The following KCNIP4 variants were observed in gnomAD, a reference collection of about 807,000 sequenced individuals.
KCNIP4 encodes the protein potassium voltage-gated channel interacting protein 4.
A neutral mutation model predicts 34.0 loss-of-function variants in KCNIP4; 12 were observed. The observed-to-expected ratio is 0.35, with a 90% CI of 0.23 to 0.57. The LOEUF (loss-of-function observed/expected upper bound fraction) is 0.57, where lower values mean the gene tolerates loss of function less well. KCNIP4 is among the 20% of genes least tolerant of loss of function. KCNIP4 has a pLI of 0.83. For synonymous variants in KCNIP4, 124 were observed against 102.2 expected (o/e 1.21, Z -1.29); for missense variants, 238 against 311.7 (o/e 0.76, Z 1.78).
chr4:21,205,785 C>A (rs190979725), intron 1 of KCNIP4, among the ~76,000 whole-genome samples: 3 of 152,164 alleles, frequency 2.0e-5, no homozygotes, highest in Admixed American at 6.5e-5. Context: ...TGAAGCCAGG[C>A]GGTCTGTCTC....
At chr4:21,643,870 T>TGATGATA (rs1553915311) in intron 1 of KCNIP4, among the ~76,000 whole-genome samples, 4 of 107,710 alleles carry the variant, frequency 3.7e-5, no homozygotes, top group East Asian at 2.1e-4. Flanking sequence ...ATGATGATGA[T>TGATGATA]GATAGATAGA....
intron 1 of KCNIP4, among the ~76,000 whole-genome samples, chr4:21,939,777 T>C (rs1285832901): frequency 6.6e-6 from 1 of 152,150 alleles, no homozygotes; most frequent in Non-Finnish European, 1.5e-5. Context: ...GTAGATGATA[T>C]GGAAAAAGTG....
chr4:20,883,295 T>A (rs1724920125), intron 1 of KCNIP4, among the ~76,000 whole-genome samples: 1 of 152,166 alleles, frequency 6.6e-6, no homozygotes, highest in African/African-American at 2.4e-5. Flanking sequence ...TGACAATCTT[T>A]CCCATTTTTT....
At position 20,748,048 on chromosome 4, in the gene KCNIP4, C is replaced by T. The variant is rs1752739272; in HGVS notation, c.429+1614G>A. ...TCAGGCTTTTATCAGACCCTGTCTG[C>T]ACTCTTGCAATACTTAGCTGCTAAT... On this transcript the variant is annotated intron_variant, in intron 5 of 8. Transcript: ENST00000382152. Among the ~76,000 whole-genome samples, 3 of 152,232 alleles carry T rather than the reference C, an allele frequency of 2.0e-5. No individual in the cohort carries two copies. The South Asian group carries it at 6.2e-4, about 32-fold the overall frequency.
chr4:21,287,227 C>T (rs73249540), intron 1 of KCNIP4, among the ~76,000 whole-genome samples: 13,431 of 152,130 alleles, frequency 0.088, 800 homozygotes, highest in Admixed American at 0.2. Flanking sequence ...TTCTGCATCG[C>T]CTGAAATGTT....
intron 1 of KCNIP4, among the ~76,000 whole-genome samples, chr4:21,714,792 T>A (rs1026906682): frequency 8.6e-3 from 3 of 348 alleles, no homozygotes; most frequent in Non-Finnish European, 0.017. Context: ...TTTGATTATT[T>A]TATTTTATTT....
Position 20,919,340 on chromosome 4 carries a change from G to A in KCNIP4, c.62-36631C>T, listed in dbSNP as rs145426697. 1.7e-3 allele frequency among the ~76,000 whole-genome samples: 263 copies of A among 152,030 alleles called. 1 individual carries two copies. Among genetic ancestry groups the A allele is most frequent in the African/African-American group, 6.1e-3 (251 of 41,472 alleles). ...GTGGATGATGGATGAGTCCTTGCTC[G>A]GCTGCCTTTGGGCAGTTTGTTAGTA... On this transcript the variant is annotated intron_variant, in intron 1 of 8. Coordinates refer to ENST00000382152, the MANE Select transcript of KCNIP4 (RefSeq NM_025221.6).
intron 1 of KCNIP4, among the ~76,000 whole-genome samples, chr4:21,180,140 T>C (rs960030555): frequency 6.6e-6 from 1 of 152,224 alleles, no homozygotes; most frequent in African/African-American, 2.4e-5. Context: ...ACAATGTTTA[T>C]GATAACACCA....
intron 1 of KCNIP4, among the ~76,000 whole-genome samples, chr4:21,862,262 A>C (rs1369704322): frequency 2.0e-5 from 3 of 152,174 alleles, no homozygotes. Flanking sequence ...GTGTCCATCC[A>C]TAGGCAACAG....
intron 1 of KCNIP4, among the ~76,000 whole-genome samples, chr4:21,012,196 T>G (rs1023396833): frequency 7.2e-5 from 11 of 152,200 alleles, no homozygotes; most frequent in African/African-American, 2.7e-4. Flanking sequence ...AGCATTGTGC[T>G]TGGTATATAG....
chr4:21,471,435 G>A (rs911666246), intron 1 of KCNIP4, among the ~76,000 whole-genome samples: 9 of 152,094 alleles, frequency 5.9e-5, no homozygotes, highest in African/African-American at 1.9e-4. Flanking sequence ...GGAATTAAGA[G>A]AATAATAATT....
intron 1 of KCNIP4, among the ~76,000 whole-genome samples, chr4:21,690,892 CT>C (rs1442021476): frequency 6.6e-6 from 1 of 152,094 alleles, no homozygotes; most frequent in Admixed American, 6.5e-5. Context: ...TATAGGTTTA[CT>C]TTACTTCTGG....
At chr4:21,417,945 A>G (rs926431793) in intron 1 of KCNIP4, among the ~76,000 whole-genome samples, 3 of 152,166 alleles carry the variant, frequency 2.0e-5, no homozygotes, top group Non-Finnish European at 4.4e-5. Context: ...GTAAGTATTT[A>G]AAGGGAATGC....
chr4:21,205,262 G>T (rs539797214), intron 1 of KCNIP4, among the ~76,000 whole-genome samples: 1 of 152,126 alleles, frequency 6.6e-6, no homozygotes, highest in Admixed American at 6.5e-5. Context: ...CTGTGTTGAC[G>T]TGTATATATA....
At chr4:20,821,061 C>T (rs181697924) in intron 3 of KCNIP4, among the ~76,000 whole-genome samples, 1 of 152,262 alleles carries the variant, frequency 6.6e-6, no homozygotes, top group East Asian at 1.9e-4. Flanking sequence ...AGAGCCTCTA[C>T]TAGGGTAATG....
chr4:20,822,327 C>T (rs1717209120), intron 3 of KCNIP4, among the ~76,000 whole-genome samples: 1 of 152,136 alleles, frequency 6.6e-6, no homozygotes, highest in Non-Finnish European at 1.5e-5. Context: ...ACATATTCAA[C>T]ATCACTAATT....
intron 1 of KCNIP4, among the ~76,000 whole-genome samples, chr4:21,338,264 CAA>C (rs869150288): frequency 3.0e-4 from 15 of 50,034 alleles, no homozygotes; most frequent in South Asian, 1.6e-3. Flanking sequence ...GACTCCTTCT[CAA>C]AAAAAAAAAA....
chr4:21,367,469 A>AACTCTGAAACTGAGT (rs1578135538), intron 1 of KCNIP4, among the ~76,000 whole-genome samples: 1 of 148,418 alleles, frequency 6.7e-6, no homozygotes, highest in African/African-American at 2.6e-5. Flanking sequence ...TGGAGACTCT[A>AACTCTGAAACTGAGT]CCTAACTGGA....
chr4:21,838,830 A>G (rs1042763130), intron 1 of KCNIP4, among the ~76,000 whole-genome samples: 2 of 152,302 alleles, frequency 1.3e-5, no homozygotes, highest in East Asian at 1.9e-4. Context: ...TTCTGCCCAT[A>G]TTATATCTGA....
Sources: allele counts gnomAD v4.1 joint callset (sites outside exome capture counted in the v4.1 genomes callset), GRCh38; gene constraint gnomAD v4.1.1; transcripts MANE v1.5; gene names NCBI Gene and HGNC (gene_info 2026-07-23, HGNC 2026-07-21).